MBNL1: variants seen among roughly 807,000 people sequenced by gnomAD.
The protein encoded by MBNL1 is muscleblind-like protein 1.
A neutral mutation model predicts 42.2 loss-of-function variants in MBNL1; 8 were observed. That is an observed-to-expected ratio of 0.19 (90% confidence interval 0.11 to 0.34). The LOEUF (loss-of-function observed/expected upper bound fraction) is 0.34, where lower values mean the gene tolerates loss of function less well. Among genes scored for constraint, MBNL1 ranks in the 10% least tolerant of loss-of-function variants. MBNL1 has a pLI of 1.00. For missense variants in MBNL1, 309 were observed against 495.3 expected (o/e 0.62, Z 3.57); for synonymous variants, 169 against 173.9 (o/e 0.97, Z 0.22).
At chr3:152,407,209 C>CTTTTTTTTTTTTTTTTTT (rs60509782) in intron 2 of MBNL1, among the ~76,000 whole-genome samples, 3 of 54,376 alleles carry the variant, frequency 5.5e-5, no homozygotes, top group Non-Finnish European at 8.2e-5. Flanking sequence ...GAAATATGTT[C>CTTTTTTTTTTTTTTTTTT]TTTTTTTTTT....
At chr3:152,402,180 T>C (rs1289526120) in intron 2 of MBNL1, among the ~76,000 whole-genome samples, 4 of 152,028 alleles carry the variant, frequency 2.6e-5, no homozygotes, top group Admixed American at 6.5e-5. Context: ...CTGGAGAAAT[T>C]GACCTGAGTG....
At chr3:152,419,114 C>G (rs2098755528) in intron 3 of MBNL1, among the ~76,000 whole-genome samples, 1 of 151,742 alleles carries the variant, frequency 6.6e-6, no homozygotes, top group Non-Finnish European at 1.5e-5. Flanking sequence ...ATTAATAAAA[C>G]TAATATTATC....
upstream of MBNL1, chr3:152,268,357 T>C (rs1003668379): frequency 4.3e-5 from 8 of 187,252 alleles, no homozygotes; most frequent in Non-Finnish European, 9.2e-5. Context: ...TGCAGATGTT[T>C]TTCCCGCCTG....
intron 3 of MBNL1, among the ~76,000 whole-genome samples, chr3:152,427,608 T>A (rs2098949519): frequency 6.6e-6 from 1 of 152,124 alleles, no homozygotes. Context: ...TAACTCCTGT[T>A]AGCTTTTGGC....
At chr3:152,426,642 G>A (rs2098936118) in intron 3 of MBNL1, among the ~76,000 whole-genome samples, 1 of 151,728 alleles carries the variant, frequency 6.6e-6, no homozygotes. Flanking sequence ...CATGATATCT[G>A]GAGTTTCTCT....
chr3:152,444,340 G>A lies in MBNL1; in HGVS notation c.550-942G>A, dbSNP rs1049668669. 5.3e-5 allele frequency among the ~76,000 whole-genome samples: 8 copies of A among 152,132 alleles called. No individual in the cohort carries two copies. In the East Asian group the frequency reaches 1.2e-3, roughly 22 times the overall value. On this transcript the variant is annotated intron_variant, in intron 4 of 9. Transcript: ENST00000324210. Reference sequence around the variant, plus strand: ...TTCTCGCCTTTTCCCTAAGATCTCCGTGGCAAAATTAACAGAATTAGCAAA... The same window carrying A: ...TTCTCGCCTTTTCCCTAAGATCTCCATGGCAAAATTAACAGAATTAGCAAA...
chr3:152,374,353 T>C (rs1427825774), intron 2 of MBNL1, among the ~76,000 whole-genome samples: 1 of 152,218 alleles, frequency 6.6e-6, no homozygotes, highest in African/African-American at 2.4e-5. Flanking sequence ...AATGACCTGA[T>C]GAAAACTGCT....
chr3:152,374,725 A>G (rs985935111), intron 2 of MBNL1, among the ~76,000 whole-genome samples: 1 of 152,254 alleles, frequency 6.6e-6, no homozygotes, highest in African/African-American at 2.4e-5. Context: ...ATGGAAAAGT[A>G]GAGGAAGGCT....
Position 152,320,294 on chromosome 3 carries a change from G to A in MBNL1, c.174+19927G>A, listed in dbSNP as rs147131532. On this transcript the variant is annotated intron_variant, in intron 2 of 9. Transcript: ENST00000324210. Reference sequence around the variant, plus strand: ...ATAAAATGTTTCTCTGCGGAGTCCAGCATCCTTCATTTGTGATAGGACTCA... The same window carrying A: ...ATAAAATGTTTCTCTGCGGAGTCCAACATCCTTCATTTGTGATAGGACTCA... 6.4e-3 allele frequency among the ~76,000 whole-genome samples: 973 copies of A among 152,244 alleles called. 9 individuals are homozygous for A. Among genetic ancestry groups the A allele is most frequent in the African/African-American group, 0.022 (929 of 41,544 alleles).
intron 2 of MBNL1, among the ~76,000 whole-genome samples, chr3:152,313,661 C>G (rs1304104100): frequency 6.6e-6 from 1 of 152,140 alleles, no homozygotes; most frequent in Non-Finnish European, 1.5e-5. Context: ...GAAACTTTGC[C>G]TTAGGTCATA....
chr3:152,366,016 A>C (rs2096343267), intron 2 of MBNL1, among the ~76,000 whole-genome samples: 1 of 152,150 alleles, frequency 6.6e-6, no homozygotes, highest in South Asian at 2.1e-4. Context: ...CACAATACTG[A>C]CATTTCAGGA....
chr3:152,442,218 T>C (rs1211619607), intron 4 of MBNL1, among the ~76,000 whole-genome samples: 1 of 152,200 alleles, frequency 6.6e-6, no homozygotes, highest in Non-Finnish European at 1.5e-5. Flanking sequence ...ACTTGTAATA[T>C]GGAAATACTG....
At chr3:152,353,662 C>T (rs560117124) in intron 2 of MBNL1, among the ~76,000 whole-genome samples, 1 of 132,216 alleles carries the variant, frequency 7.6e-6, no homozygotes, top group East Asian at 2.5e-4. Flanking sequence ...GAGTCTATCT[C>T]AACAAATCCT....
At chr3:152,320,785 C>T (rs1312739531) in intron 2 of MBNL1, among the ~76,000 whole-genome samples, 2 of 150,394 alleles carry the variant, frequency 1.3e-5, no homozygotes, top group Non-Finnish European at 3.0e-5. Flanking sequence ...GGGAACCAGA[C>T]TATTAGTATA....
intron 4 of MBNL1, among the ~76,000 whole-genome samples, chr3:152,434,316 G>C (rs1374532409): frequency 6.6e-6 from 1 of 152,170 alleles, no homozygotes; most frequent in Non-Finnish European, 1.5e-5. Flanking sequence ...GTGGTTTCCT[G>C]CTTCTGTATT....
intron 2 of MBNL1, among the ~76,000 whole-genome samples, chr3:152,390,645 A>ACACACACACACT (rs753471201): frequency 3.3e-5 from 5 of 150,190 alleles, no homozygotes; most frequent in Admixed American, 6.6e-5. Context: ...ACACACACAC[A>ACACACACACACT]CTCTGATATA....
intron 1 of MBNL1, among the ~76,000 whole-genome samples, chr3:152,278,484 CTT>C (rs1312834096): frequency 1.3e-5 from 2 of 152,046 alleles, no homozygotes; most frequent in African/African-American, 4.8e-5. Context: ...ATAGGAAAGA[CTT>C]TAGAAAAAAT....
intron 2 of MBNL1, among the ~76,000 whole-genome samples, chr3:152,341,343 A>G (rs2093159899): frequency 6.6e-6 from 1 of 152,246 alleles, no homozygotes; most frequent in Non-Finnish European, 1.5e-5. Flanking sequence ...AAATATAAGA[A>G]TGTAAATTAT....
upstream of MBNL1, chr3:152,268,820 A>T (rs1292220939): frequency 4.5e-6 from 2 of 445,492 alleles, no homozygotes; most frequent in Non-Finnish European, 8.9e-6. Flanking sequence ...TAGGAGCTCG[A>T]CGAGTCCGCC....
Sources: allele counts gnomAD v4.1 joint callset (sites outside exome capture counted in the v4.1 genomes callset), GRCh38; gene constraint gnomAD v4.1.1; transcripts MANE v1.5; gene names NCBI Gene and HGNC (gene_info 2026-07-23, HGNC 2026-07-21).